Variants in PLCE1 observed in about 807,000 individuals in gnomAD.
The protein encoded by PLCE1 is 1-phosphatidylinositol 4,5-bisphosphate phosphodiesterase epsilon-1.
In PLCE1, 119 loss-of-function variants were observed where a neutral mutation model predicts 242.8. The observed-to-expected ratio is 0.49, with a 90% CI of 0.42 to 0.57. The LOEUF is 0.57. PLCE1 is among the 20% of genes least tolerant of loss of function. The pLI, the probability that PLCE1 is intolerant of heterozygous loss-of-function variation, is 0.00. For missense variants in PLCE1, 2,441 were observed against 2,788.8 expected (o/e 0.88, Z 2.81); for synonymous variants, 945 against 1,017.4 (o/e 0.93, Z 1.35).
Position 93,993,967 on chromosome 10 carries a change from A to G in PLCE1, c.-656A>G, listed in dbSNP as rs1375211429. Among the ~76,000 whole-genome samples the G allele has an allele frequency of 6.6e-6, 1 of 151,218 alleles. No individual in the cohort carries two copies. Among genetic ancestry groups the G allele is most frequent in the Admixed American group, 6.6e-5 (1 of 15,162 alleles). ...ACATCTCGGCGGGAGCGGACTGTGA[A>G]CGGCGCGGGTCCACACGGTAACGCT... On this transcript the variant is annotated 5_prime_UTR_variant, in exon 1 of 33. Coordinates refer to ENST00000371380, the MANE Select transcript of PLCE1 (RefSeq NM_016341.4).
At position 94,306,116 on chromosome 10, in the gene PLCE1, C is replaced by T. The variant is rs550522585; in HGVS notation, c.5623-311C>T. 2.8e-4 allele frequency among the ~76,000 whole-genome samples: 43 copies of T among 152,070 alleles called. No homozygotes were observed. Among genetic ancestry groups the T allele is most frequent in the African/African-American group, 8.7e-4 (36 of 41,488 alleles). On this transcript the variant is annotated intron_variant, in intron 25 of 32. Coordinates refer to ENST00000371380, the MANE Select transcript of PLCE1 (RefSeq NM_016341.4). This position sits in a 1 kb window ranked among gnomAD's most constrained non-coding sequence, Gnocchi z 5.7. ...CCTCCCTAATAGCTGGGACTACAGG[C>T]GCACACCACCATGCCCAGCTAATTT...
At chr10:94,121,786 G>T (rs1186373206) in intron 2 of PLCE1, among the ~76,000 whole-genome samples, 1 of 152,046 alleles carries the variant, frequency 6.6e-6, no homozygotes, top group Non-Finnish European at 1.5e-5. Flanking sequence ...ATTTCTGGTT[G>T]TCAGAGCAAT....
In PLCE1 at chr10:94,328,069, C is replaced by G; in HGVS notation, c.*126C>G. Reference sequence around the variant, plus strand: ...GAAATTGATGATTTCTGAACTGAAGCCTTCACACATGTGAGATCCATGCTG... The same window carrying G: ...GAAATTGATGATTTCTGAACTGAAGGCTTCACACATGTGAGATCCATGCTG... On this transcript the variant is annotated 3_prime_UTR_variant, in exon 33 of 33. Coordinates refer to ENST00000371380, the MANE Select transcript of PLCE1 (RefSeq NM_016341.4). 1 of 481,790 alleles carries G rather than the reference C, an allele frequency of 2.1e-6. No homozygotes were observed. The highest frequency in any genetic ancestry group is 4.3e-6 in the Non-Finnish European group (1 of 233,048). 29.8% of individuals were successfully genotyped at this position (481,790 alleles called of 1,614,324 possible). A position where few individuals can be genotyped will look rare whatever the true frequency, so the allele number is the denominator to read the frequency against.
At chr10:94,028,703 A>G (rs1470750026) in intron 1 of PLCE1, among the ~76,000 whole-genome samples, 1 of 152,092 alleles carries the variant, frequency 6.6e-6, no homozygotes, top group Non-Finnish European at 1.5e-5. Context: ...AATTCCAGCA[A>G]TTTGGGAGGC....
At chr10:94,289,975 T>C (rs1306178853) in intron 22 of PLCE1, among the ~76,000 whole-genome samples, 1 of 152,198 alleles carries the variant, frequency 6.6e-6, no homozygotes, top group East Asian at 1.9e-4. Context: ...ACACTTAGCT[T>C]AAAACACAAA....
intron 1 of PLCE1, among the ~76,000 whole-genome samples, chr10:94,025,024 C>T (rs1262995462): frequency 6.6e-6 from 1 of 151,960 alleles, no homozygotes; most frequent in Non-Finnish European, 1.5e-5. Flanking sequence ...TTTCCCTCCC[C>T]TAAGTCCCGG....
At chr10:94,285,010 G>A in intron 22 of PLCE1, 45 bp downstream of exon 22, 1 of 1,082,720 alleles carries the variant, frequency 9.2e-7, no homozygotes, top group South Asian at 1.3e-5. Flanking sequence ...GATATCAAAG[G>A]TTAAAAATAT....
intron 1 of PLCE1, among the ~76,000 whole-genome samples, chr10:94,000,081 C>G (rs1473384463): frequency 1.3e-5 from 2 of 152,110 alleles, no homozygotes; most frequent in Non-Finnish European, 2.9e-5. Context: ...GAATGAAGAT[C>G]TCTATCGTTT....
At position 94,166,579 on chromosome 10, in the gene PLCE1, G is replaced by GGTGT. The variant is rs56088035; in HGVS notation, c.1493-4570_1493-4567dup. On this transcript the variant is annotated intron_variant, in intron 3 of 32. Transcript: ENST00000371380. ...CATTCTCTACCCAGAAGAGAAAAAA[G>GGTGT]GTGTGTGTGTGTGTGTGTGTGTGTG... Among the ~76,000 whole-genome samples the GGTGT allele has an allele frequency of 4.3e-3, 624 of 145,960 alleles. 6 individuals are homozygous for GGTGT. Among genetic ancestry groups the GGTGT allele is most frequent in the African/African-American group, 0.015 (568 of 39,116 alleles).
At chr10:94,135,006 T>A (rs1300536203) in intron 3 of PLCE1, among the ~76,000 whole-genome samples, 1 of 152,184 alleles carries the variant, frequency 6.6e-6, no homozygotes, top group Non-Finnish European at 1.5e-5. Flanking sequence ...CTTACTATCT[T>A]GGAAACATTT....
chr10:94,061,023 T>C (rs1460706298), intron 2 of PLCE1, among the ~76,000 whole-genome samples: 1 of 152,030 alleles, frequency 6.6e-6, no homozygotes, highest in Non-Finnish European at 1.5e-5. Flanking sequence ...TTATGAAACC[T>C]TTCAGCATTT....
chr10:94,100,388 G>C (rs2045486619), intron 2 of PLCE1: 1 of 152,156 alleles, frequency 6.6e-6, no homozygotes, highest in Admixed American at 6.5e-5. Context: ...GTTCTCAAGG[G>C]TTCCCTCCTT....
At chr10:94,287,171 G>C (rs1298446177) in intron 22 of PLCE1, 2 of 152,042 alleles carry the variant, frequency 1.3e-5, no homozygotes, top group Non-Finnish European at 2.9e-5. Flanking sequence ...TTTTAAAAGT[G>C]TTCACATAGC....
intron 2 of PLCE1, among the ~76,000 whole-genome samples, chr10:94,118,268 A>G (rs529725385): frequency 1.3e-5 from 2 of 151,986 alleles, no homozygotes; most frequent in East Asian, 3.9e-4. Flanking sequence ...CAGGGTGACC[A>G]TATCTTTCTT....
At chr10:94,105,924 G>C (rs976446492) in intron 2 of PLCE1, 1 of 152,006 alleles carries the variant, frequency 6.6e-6, no homozygotes, top group Non-Finnish European at 1.5e-5. Flanking sequence ...CTTTTTATGA[G>C]TGTTAACTCG....
At chr10:94,004,934 A>G (rs1239653262) in intron 1 of PLCE1, among the ~76,000 whole-genome samples, 2 of 152,190 alleles carry the variant, frequency 1.3e-5, no homozygotes, top group Admixed American at 6.5e-5. Flanking sequence ...TTATTTATTT[A>G]TGGAAGGATA....
intron 14 of PLCE1, among the ~76,000 whole-genome samples, chr10:94,264,350 T>C (rs375498879): frequency 6.6e-5 from 10 of 152,082 alleles, no homozygotes; most frequent in African/African-American, 2.4e-4. Context: ...GCTGGTGTAC[T>C]GTGAGCTGCA....
At chr10:94,146,845 A>G (rs902260521) in intron 3 of PLCE1, among the ~76,000 whole-genome samples, 1 of 152,198 alleles carries the variant, frequency 6.6e-6, no homozygotes, top group Admixed American at 6.5e-5. Flanking sequence ...AATGTGTACC[A>G]TACTATATTT....
At chr10:94,242,345 C>T (rs554855253) in intron 7 of PLCE1, among the ~76,000 whole-genome samples, 1 of 151,278 alleles carries the variant, frequency 6.6e-6, no homozygotes, top group East Asian at 1.9e-4. Flanking sequence ...GTTCTGTTGC[C>T]CAGGCTGGAA....
Sources: allele counts gnomAD v4.1 joint callset (sites outside exome capture counted in the v4.1 genomes callset), GRCh38; gene constraint gnomAD v4.1.1; non-coding constraint Gnocchi (gnomAD v3.1); transcripts MANE v1.5; gene names NCBI Gene and HGNC (gene_info 2026-07-23, HGNC 2026-07-21).